IPO7: variants seen among roughly 807,000 people sequenced by gnomAD.
IPO7 encodes the protein importin-7.
A neutral mutation model predicts 136.4 loss-of-function variants in IPO7; 13 were observed. The ratio of observed to expected loss-of-function variants is 0.10; its 90% CI spans 0.06 to 0.15. The LOEUF is 0.15. Ranked by LOEUF, IPO7 falls within the 10% of genes least tolerant of loss-of-function variation. IPO7 has a pLI of 1.00. For synonymous variants in IPO7, 403 were observed against 404.4 expected, an observed-to-expected ratio of 1.00 and a Z score of 0.04; for missense variants, 857 against 1,240.6, an observed-to-expected ratio of 0.69 and a Z score of 4.65.
intron 8 of IPO7, 29 bp downstream of exon 8, chr11:9,420,727 G>C (rs2133748001): frequency 7.1e-7 from 1 of 1,406,736 alleles, no homozygotes; most frequent in African/African-American, 1.4e-5. Flanking sequence ...TTTCTCAGTG[G>C]AAACATGGCA....
At chr11:9,404,727 G>T (rs748979359) in intron 2 of IPO7, among the ~76,000 whole-genome samples, 19 of 151,666 alleles carry the variant, frequency 1.3e-4, no homozygotes, top group Non-Finnish European at 1.8e-4. Context: ...CACCACACCC[G>T]GCTAATTTTT....
chr11:9,406,632 A>G (rs1340355506), intron 2 of IPO7, among the ~76,000 whole-genome samples: 2 of 152,156 alleles, frequency 1.3e-5, no homozygotes, highest in Non-Finnish European at 2.9e-5. Context: ...GCACTTTGGA[A>G]GGCCGTAGAT....
rs745722237 is a variant in IPO7 at position 9,446,023 on chromosome 11, A to G, written c.*829A>G. On this transcript the variant is annotated 3_prime_UTR_variant, in exon 25 of 25. Transcript: ENST00000379719. Reference sequence around the variant, plus strand: ...TAGTGGTATTTCATTGCTGCTAAAAATGACAACTCCCTCTGTGTCCTGTTT... The same window carrying G: ...TAGTGGTATTTCATTGCTGCTAAAAGTGACAACTCCCTCTGTGTCCTGTTT... 2 of 152,200 alleles carry G rather than the reference A, an allele frequency of 1.3e-5. No individual in the cohort carries two copies. The highest frequency in any genetic ancestry group is 2.4e-5 in the African/African-American group (1 of 41,454). The allele number at this position is 152,200 out of a possible 1,614,324, so 9.4% of individuals were successfully genotyped here. A position where few individuals can be genotyped will look rare whatever the true frequency, so the allele number is the denominator to read the frequency against.
Position 9,403,327 on chromosome 11 carries a change from A to G in IPO7, c.122A>G (p.Gln41Arg), listed in dbSNP as rs759198798. 6.2e-7 allele frequency: 1 copy of G among 1,614,004 alleles called. No individual in the cohort carries two copies. The highest frequency in any genetic ancestry group is 1.3e-5 in the African/African-American group (1 of 75,056). Reference sequence around the variant, plus strand: ...CTGAATTTTGTCTCAACACTGCTCCAGATTACTATGTCGGAACAGCTGGAT... The same window carrying G: ...CTGAATTTTGTCTCAACACTGCTCCGGATTACTATGTCGGAACAGCTGGAT... ...KSLNFVSTLL[Q>R]ITMSEQLDLP... Residue 41 changes from glutamine (Q) to arginine (R), a missense_variant, in exon 2 of 25, where the codon CAG (glutamine) becomes CGG (arginine). Physicochemically the swap from Gln to Arg is conservative, Grantham distance 43. Around this residue, in one of 11 missense-constraint regions of IPO7, gnomAD observed 49 missense variants for 59.9 expected, o/e 0.82. Transcript: ENST00000379719.
chr11:9,440,589 G>T lies in IPO7; in HGVS notation c.2830G>T (p.Gly944Cys). The change falls in exon 23 of 25, where the codon GGC becomes TGC. Residue 944 changes from glycine (G) to cysteine (C), a missense_variant. Physicochemically the swap from Gly to Cys is radical, Grantham distance 159. Around this residue, in one of 11 missense-constraint regions of IPO7, gnomAD observed 119 missense variants for 155.5 expected, o/e 0.77. Coordinates refer to ENST00000379719, the MANE Select transcript of IPO7 (RefSeq NM_006391.3). The stretch of plus-strand genomic sequence containing the variant: ...TGATGCTGAAGAGACTGCTCTGGAA[G>T]GCTATTCCACAATCATTGATGATGA... ...EDDAEETALE[G>C]YSTIIDDEDN... 1.9e-6 allele frequency: 3 copies of T among 1,613,896 alleles called. No homozygotes were observed. Among genetic ancestry groups the T allele is most frequent in the Non-Finnish European group, 2.5e-6 (3 of 1,179,840 alleles).
intron 4 of IPO7, 112 bp from the exon 5 acceptor site, chr11:9,414,143 A>T: frequency 1.3e-6 from 1 of 749,598 alleles, no homozygotes; most frequent in Non-Finnish European, 2.0e-6. Flanking sequence ...TTCTTTTTCT[A>T]AATTGGTTAA....
intron 14 of IPO7, 56 bp from the exon 15 acceptor site, chr11:9,429,618 C>G: frequency 1.5e-6 from 2 of 1,378,174 alleles, no homozygotes; most frequent in Non-Finnish European, 2.0e-6. Flanking sequence ...TTTGTTATAT[C>G]AGGTTTTAAG....
chr11:9,387,400 TTC>T (rs755572966), intron 1 of IPO7, among the ~76,000 whole-genome samples: 2 of 152,254 alleles, frequency 1.3e-5, no homozygotes, highest in Non-Finnish European at 2.9e-5. Flanking sequence ...CCCTAACTTG[TTC>T]TCTCATTTCC....
In IPO7 at chr11:9,446,142, ATAAAGTTCTGCTCT is replaced by A. The variant is rs1855524501; in HGVS notation, c.*954_*967del. 1 of 152,222 alleles carries A rather than the reference ATAAAGTTCTGCTCT, an allele frequency of 6.6e-6. No homozygotes were observed. Among genetic ancestry groups the A allele is most frequent in the South Asian group, 2.1e-4 (1 of 4,822 alleles). 9.4% of individuals were successfully genotyped at this position (152,222 alleles called of 1,614,324 possible). The stretch of plus-strand genomic sequence containing the variant: ...GGTATCTAGAGCATGTAAATTGGAT[ATAAAGTTCTGCTCT>A]TAAAGAGTTGATCTAAGAGTATGGC... On this transcript the variant is annotated 3_prime_UTR_variant, in exon 25 of 25. Coordinates refer to ENST00000379719, the MANE Select transcript of IPO7 (RefSeq NM_006391.3).
At chr11:9,412,713 T>A (rs186128844) in intron 4 of IPO7, among the ~76,000 whole-genome samples, 67 of 152,052 alleles carry the variant, frequency 4.4e-4, no homozygotes, top group African/African-American at 1.4e-3. Flanking sequence ...ATGCCTGTAG[T>A]CCCAGCTACT....
intron 6 of IPO7, among the ~76,000 whole-genome samples, chr11:9,419,497 G>A (rs1282720637): frequency 4.0e-4 from 59 of 146,348 alleles, no homozygotes; most frequent in Non-Finnish European, 7.6e-4. Flanking sequence ...GCAGTGAGCC[G>A]AGATTGTGCC....
At chr11:9,424,851 G>A in intron 10 of IPO7, 63 bp from the exon 11 acceptor site, 1 of 1,070,462 alleles carries the variant, frequency 9.3e-7, no homozygotes, top group Non-Finnish European at 1.4e-6. Flanking sequence ...GATTAAGCAT[G>A]TTTTTTAATG....
intron 1 of IPO7, among the ~76,000 whole-genome samples, chr11:9,393,214 C>T (rs911063202): frequency 2.0e-5 from 3 of 152,058 alleles, no homozygotes; most frequent in Non-Finnish European, 2.9e-5. Context: ...TAGTATGATC[C>T]AAAGGTATGG....
intron 22 of IPO7, among the ~76,000 whole-genome samples, chr11:9,439,944 A>C (rs146966577): frequency 0.01 from 1,559 of 152,310 alleles, 8 homozygotes; most frequent in Middle Eastern, 0.017. Context: ...AATTTATTGG[A>C]GACATCCATC....
chr11:9,421,161 A>G (rs1167917345), intron 8 of IPO7, among the ~76,000 whole-genome samples: 1 of 151,268 alleles, frequency 6.6e-6, no homozygotes, highest in African/African-American at 2.4e-5. Flanking sequence ...GGTTTTCTCC[A>G]TGTTGGTCAG....
Position 9,438,089 on chromosome 11 carries a change from C to T in IPO7, c.2499C>T (p.Asp833=). The change falls in exon 22 of 25, where the codon GAC becomes GAT. Residue 833 remains aspartate (D), a synonymous_variant. Transcript: ENST00000379719. ...TTTTTTTTTTTTTTAGGCTTCATGA[C>T]AGAAAGATGTGTGTTCTCGGACTCT... ...NDVDCFLGLH[D]RKMCVLGLCA... is the part of the protein sequence containing the mutation. 1.3e-6 allele frequency: 1 copy of T among 762,022 alleles called. No homozygotes were observed. The highest frequency in any genetic ancestry group is 2.0e-6 in the Non-Finnish European group (1 of 491,676). 47.2% of individuals were successfully genotyped at this position (762,022 alleles called of 1,614,324 possible).
intron 5 of IPO7, among the ~76,000 whole-genome samples, chr11:9,415,556 G>C (rs1855028373): frequency 6.6e-6 from 1 of 152,126 alleles, no homozygotes; most frequent in South Asian, 2.1e-4. Context: ...GAAATGGTTG[G>C]GGCCGGGCGT....
chr11:9,404,512 A>T (rs923395980), intron 2 of IPO7, among the ~76,000 whole-genome samples: 3 of 151,814 alleles, frequency 2.0e-5, no homozygotes, highest in Non-Finnish European at 4.4e-5. Context: ...CACTTCACTT[A>T]ATGTTGTATA....
At chr11:9,422,302 C>A (rs147917084) in intron 8 of IPO7, among the ~76,000 whole-genome samples, 1 of 151,936 alleles carries the variant, frequency 6.6e-6, no homozygotes, top group African/African-American at 2.4e-5. Context: ...AATAAAAATA[C>A]TGTGAATTTA....
Sources: gnomAD v4.1 joint callset for allele counts (sites outside exome capture counted in the v4.1 genomes callset) on GRCh38, gnomAD v4.1.1 for gene constraint, gnomAD v4.1.1 regional missense constraint, MANE v1.5 for transcripts, NCBI Gene and HGNC (gene_info 2026-07-23, HGNC 2026-07-21) for gene names.